CTNNBL1: variants seen among roughly 807,000 people sequenced by gnomAD.
CTNNBL1 encodes the protein beta-catenin-like protein 1.
CTNNBL1 carries 31 observed loss-of-function variants against 72.7 expected under a neutral mutation model. The ratio of observed to expected loss-of-function variants is 0.43; its 90% confidence interval spans 0.32 to 0.58. The LOEUF (loss-of-function observed/expected upper bound fraction) is 0.58. CTNNBL1 is among the 20% of genes least tolerant of loss of function. The pLI is 0.08. For missense variants in CTNNBL1, 534 were observed against 725.1 expected (o/e 0.74, Z 3.03); for synonymous variants, 240 against 267.3 (o/e 0.90, Z 1.00).
intron 13 of CTNNBL1, among the ~76,000 whole-genome samples, chr20:37,852,467 G>C (rs142361715): frequency 6.6e-6 from 1 of 152,174 alleles, no homozygotes; most frequent in Admixed American, 6.5e-5. Context: ...GTCCTGTTGC[G>C]GTGGTGAAGT....
chr20:37,723,238 TTAAG>T (rs925425308), intron 1 of CTNNBL1, among the ~76,000 whole-genome samples: 5 of 152,258 alleles, frequency 3.3e-5, no homozygotes, highest in Admixed American at 3.3e-4. Context: ...GAAAAATGGA[TTAAG>T]TCTTTATGAC....
At chr20:37,734,919 C>T (rs928306121) in intron 2 of CTNNBL1, among the ~76,000 whole-genome samples, 2 of 152,210 alleles carry the variant, frequency 1.3e-5, no homozygotes, top group African/African-American at 4.8e-5. Flanking sequence ...CCCATGAGAG[C>T]TGTGTTAACA....
At chr20:37,762,332 A>T (rs1353466325) in intron 5 of CTNNBL1, among the ~76,000 whole-genome samples, 1 of 152,178 alleles carries the variant, frequency 6.6e-6, no homozygotes, top group Non-Finnish European at 1.5e-5. Flanking sequence ...GAGAAAGCTT[A>T]TTGGCAGATC....
rs1236173846 is a variant in CTNNBL1, at chr20:37,852,812, AC to A, written c.1393-7084del. 5.9e-5 allele frequency among the ~76,000 whole-genome samples: 9 copies of A among 151,566 alleles called. No individual in the cohort carries two copies. In the Admixed American group the frequency reaches 5.9e-4, roughly 10 times the overall value. ...TGGGTTGAGTTGGCACTTGGGATGA[AC>A]CCTGTTTGCCTTCCCTGATCTCGTG... On this transcript the variant is annotated intron_variant, in intron 13 of 15. Coordinates refer to ENST00000361383, the MANE Select transcript of CTNNBL1 (RefSeq NM_030877.5).
Position 37,867,248 on chromosome 20 carries a change from A to G in CTNNBL1, c.1604-4677A>G, listed in dbSNP as rs138320457. ...ACATCTTCAAGGGTTTTCAATGTGA[A>G]AATATTGGGCATTCCTCCTCTCTCC... On this transcript the variant is annotated intron_variant, in intron 15 of 15. Coordinates refer to ENST00000361383, the MANE Select transcript of CTNNBL1 (RefSeq NM_030877.5). Among the ~76,000 whole-genome samples, 14 of 152,208 alleles carry G rather than the reference A, an allele frequency of 9.2e-5. 1 individual carries two copies. In the East Asian group the frequency reaches 2.7e-3, roughly 29 times the overall value.
chr20:37,799,577 A>G (rs1174354840), intron 10 of CTNNBL1, among the ~76,000 whole-genome samples: 1 of 152,160 alleles, frequency 6.6e-6, no homozygotes, highest in African/African-American at 2.4e-5. Flanking sequence ...CCCAAGGCAA[A>G]TTATCTCCTC....
intron 13 of CTNNBL1, among the ~76,000 whole-genome samples, chr20:37,851,105 T>G (rs1305638883): frequency 6.6e-6 from 1 of 152,188 alleles, no homozygotes; most frequent in African/African-American, 2.4e-5. Context: ...CACACAACCC[T>G]GCGGAAATGG....
At chr20:37,791,105 T>C (rs1415382274) in intron 10 of CTNNBL1, among the ~76,000 whole-genome samples, 2 of 152,384 alleles carry the variant, frequency 1.3e-5, no homozygotes, top group East Asian at 3.9e-4. Flanking sequence ...CCTTTTTCAC[T>C]GCTGAGTAGC....
At chr20:37,805,500 G>A (rs1370349104) in intron 11 of CTNNBL1, among the ~76,000 whole-genome samples, 1 of 146,162 alleles carries the variant, frequency 6.8e-6, no homozygotes, top group Non-Finnish European at 1.5e-5. Flanking sequence ...AGGTTCAACC[G>A]ATTCTCCTGC....
At chr20:37,856,298 C>T (rs147827314) in intron 13 of CTNNBL1, among the ~76,000 whole-genome samples, 61 of 151,830 alleles carry the variant, frequency 4.0e-4, no homozygotes, top group African/African-American at 1.4e-3. Context: ...TTTCAAGGAA[C>T]GCACACAAGG....
chr20:37,780,881 C>G (rs1330378280), intron 10 of CTNNBL1, among the ~76,000 whole-genome samples: 3 of 152,014 alleles, frequency 2.0e-5, no homozygotes, highest in Non-Finnish European at 2.9e-5. Context: ...TTAAAGTTGC[C>G]ATTTCCAAGT....
chr20:37,736,056 TG>T, intron 2 of CTNNBL1, among the ~76,000 whole-genome samples: 1 of 152,362 alleles, frequency 6.6e-6, no homozygotes, highest in Admixed American at 6.5e-5. Context: ...TCATTTTATT[TG>T]CTTTCATAGG....
intron 13 of CTNNBL1, among the ~76,000 whole-genome samples, chr20:37,852,441 C>T (rs2072404488): frequency 6.6e-6 from 1 of 152,182 alleles, no homozygotes; most frequent in Non-Finnish European, 1.5e-5. Context: ...AGCTAATCAT[C>T]AGTGTTGGCC....
intron 1 of CTNNBL1, among the ~76,000 whole-genome samples, chr20:37,723,652 TATG>T (rs1454968843): frequency 6.6e-6 from 1 of 152,236 alleles, no homozygotes; most frequent in African/African-American, 2.4e-5. Flanking sequence ...TTCCTAAAAA[TATG>T]ATGATGATAA....
intron 1 of CTNNBL1, among the ~76,000 whole-genome samples, chr20:37,703,346 C>G (rs147538289): frequency 2.2e-4 from 33 of 152,258 alleles, no homozygotes; most frequent in African/African-American, 7.7e-4. Flanking sequence ...GTCATATTTC[C>G]TTAGTCTTCC....
intron 1 of CTNNBL1, among the ~76,000 whole-genome samples, chr20:37,719,507 CT>C (rs1290822590): frequency 6.6e-6 from 1 of 152,104 alleles, no homozygotes; most frequent in Non-Finnish European, 1.5e-5. Context: ...AAGAACATGC[CT>C]TTTTTGTTTC....
At chr20:37,761,050 A>G (rs1043893140) in intron 5 of CTNNBL1, among the ~76,000 whole-genome samples, 9 of 152,052 alleles carry the variant, frequency 5.9e-5, no homozygotes, top group African/African-American at 2.2e-4. Flanking sequence ...GAAAACAGCT[A>G]TGAGAGGGGC....
chr20:37,816,790 C>CA (rs758055546), intron 11 of CTNNBL1, among the ~76,000 whole-genome samples: 238 of 123,934 alleles, frequency 1.9e-3, no homozygotes, highest in Middle Eastern at 4.0e-3. Context: ...TTGATAATCA[C>CA]AAAAAAAAAA....
chr20:37,709,701 AAC>A (rs1268973512), intron 1 of CTNNBL1, among the ~76,000 whole-genome samples: 1 of 152,230 alleles, frequency 6.6e-6, no homozygotes, highest in Non-Finnish European at 1.5e-5. Context: ...CCGAAGGACT[AAC>A]AGAATAGTGA....
Sources: gnomAD v4.1 joint callset for allele counts (sites outside exome capture counted in the v4.1 genomes callset) on GRCh38, gnomAD v4.1.1 for gene constraint, MANE v1.5 for transcripts, NCBI Gene and HGNC (gene_info 2026-07-23, HGNC 2026-07-21) for gene names.